The following MIB2 variants were observed in gnomAD, a reference collection of about 807,000 sequenced individuals.
MIB2 encodes MIB E3 ubiquitin protein ligase 2.
A neutral mutation model predicts 96.6 loss-of-function variants in MIB2; 78 were observed. The ratio of observed to expected loss-of-function variants is 0.81; its 90% CI spans 0.67 to 0.97. The LOEUF (loss-of-function observed/expected upper bound fraction) is 0.97, where lower values mean the gene tolerates loss of function less well. Among genes scored for constraint, MIB2 ranks in the 50% least tolerant of loss-of-function variants. The pLI, the probability that MIB2 is intolerant of heterozygous loss-of-function variation, is 0.00. For missense variants in MIB2, 1,543 were observed against 1,424.0 expected, an observed-to-expected ratio of 1.08 and a Z score of -1.35; for synonymous variants, 820 against 629.5, an observed-to-expected ratio of 1.30 and a Z score of -4.53.
Position 1,629,301 on chromosome 1 carries a change from C to T in MIB2, c.2371C>T (p.Gln791Ter), listed in dbSNP as rs766300322. 2 of 1,505,802 alleles carry T rather than the reference C, an allele frequency of 1.3e-6. No individual in the cohort carries two copies. The highest frequency in any genetic ancestry group is 1.8e-6 in the Non-Finnish European group (2 of 1,142,686). 93.3% of individuals were successfully genotyped at this position (1,505,802 alleles called of 1,614,324 possible). Residue 791 changes from glutamine (Q) to a stop codon, truncating the protein, a stop_gained, in exon 17 of 20, where the codon CAG (glutamine) becomes TAG (stop). Coordinates refer to ENST00000355826, the MANE Select transcript of MIB2 (RefSeq NM_001170687.4). LOFTEE classifies it high-confidence loss of function. The part of the protein sequence containing the change: ...RVLKALQGCA[Q>*]RFRERQAGGG... ...GCTCAAGGCCCTTCAGGGCTGCGCC[C>T]AGCGCTTCCGGTGAGTCCGTGGACG...
Position 1,626,621 on chromosome 1 carries a change from G to GGCCCCTCAC in MIB2, c.973-21_973-13dup. On this transcript the variant is annotated intron_variant, in intron 8 of 19. Coordinates refer to ENST00000355826, the MANE Select transcript of MIB2 (RefSeq NM_001170687.4). The surrounding 1 kb of genome is among the most constrained non-coding windows in gnomAD (Gnocchi z 5.3). The stretch of plus-strand genomic sequence containing the variant: ...CCTGGGCAGCCACACACAGCTGGGG[G>GGCCCCTCAC]GCCCCTCACGCCCCTCTTTGTCGCT... 2.0e-6 allele frequency: 3 copies of GGCCCCTCAC among 1,509,740 alleles called. No individual in the cohort carries two copies. Among genetic ancestry groups the GGCCCCTCAC allele is most frequent in the Non-Finnish European group, 2.7e-6 (3 of 1,129,214 alleles). 93.5% of individuals were successfully genotyped at this position (1,509,740 alleles called of 1,614,324 possible).
rs371407201 is a variant in MIB2 at position 1,626,951 on chromosome 1, G to A, written c.1192G>A (p.Glu398Lys). Residue 398 changes from glutamate to lysine, a missense_variant, in exon 10 of 20, where the codon GAG becomes AAG. Coordinates refer to ENST00000355826, the MANE Select transcript of MIB2 (RefSeq NM_001170687.4). This position sits in a 1 kb window ranked among gnomAD's most constrained non-coding sequence, Gnocchi z 5.3. ...SPSCLVAYRP[E>K]EDANLDVAER... ...CTCCTGCCTGGTGGCCTACCGGCCC[G>A]AGGAGGATGCCAACCTGGACGTGGC... is the stretch of plus-strand genomic sequence containing the variant. 4.0e-5 allele frequency: 64 copies of A among 1,611,088 alleles called. No individual in the cohort carries two copies. The highest frequency in any genetic ancestry group is 4.6e-5 in the Non-Finnish European group (54 of 1,179,582).
chr1:1,624,190 AG>A (rs1412621264), intron 4 of MIB2: 1 of 558,068 alleles, frequency 1.8e-6, no homozygotes, highest in Non-Finnish European at 3.2e-6. Flanking sequence ...GACCTCCAGG[AG>A]GACAGCCCAT....
At position 1,630,579 on chromosome 1, in the gene MIB2, T is replaced by C. The variant is rs934173588; in HGVS notation, c.*49T>C. 1.4e-6 allele frequency: 2 copies of C among 1,393,528 alleles called. No homozygotes were observed. The highest frequency in any genetic ancestry group is 2.5e-5 in the Admixed American group (1 of 40,050). The allele number at this position is 1,393,528 out of a possible 1,614,324, so 86.3% of individuals were successfully genotyped here. A position where few individuals can be genotyped will look rare whatever the true frequency, so the allele number is the denominator to read the frequency against. On this transcript the variant is annotated 3_prime_UTR_variant, in exon 20 of 20. Coordinates refer to ENST00000355826, the MANE Select transcript of MIB2 (RefSeq NM_001170687.4). ...GCTGCCTTCGCGTGCCCCCGCCCTG[T>C]GTTTTATAAAAAGAAAGATTCTCGG...
At chr1:1,630,239 C>G (rs1429999251) in intron 19 of MIB2, 53 bp from the exon 20 acceptor site, 1 of 506,068 alleles carries the variant, frequency 2.0e-6, no homozygotes, top group Admixed American at 4.7e-5. Context: ...GCTCCCTGCT[C>G]CCCGCATTCC....
rs192767121 is a variant in MIB2 at position 1,616,604 on chromosome 1, C to T, written c.-33C>T. ...CAAGGCGGCCCGGCGGGCGACTGGACGGCCGGACAGGTGAGCTCTTGATCG... is the reference window on the plus strand; with the variant it reads ...CAAGGCGGCCCGGCGGGCGACTGGATGGCCGGACAGGTGAGCTCTTGATCG... On this transcript the variant is annotated 5_prime_UTR_variant, in exon 2 of 20. In the 5' UTR this introduces an upstream ATG that the reference lacks. Transcript: ENST00000355826. The T allele has an allele frequency of 1.2e-5, 19 of 1,593,794 alleles. No homozygotes were observed. Among genetic ancestry groups the T allele is most frequent in the East Asian group, 1.1e-4 (5 of 43,902 alleles).
At chr1:1,615,694 C>T in intron 1 of MIB2, 61 bp downstream of exon 1, 4 of 1,520,330 alleles carry the variant, frequency 2.6e-6, no homozygotes, top group Non-Finnish European at 3.5e-6. Flanking sequence ...TCGTTCTCCG[C>T]TCTGGCAGAA....
Position 1,630,293 on chromosome 1 carries a change from C to G in MIB2, c.2631C>G (p.Asp877Glu). 1 of 1,494,930 alleles carries G rather than the reference C, an allele frequency of 6.7e-7. No homozygotes were observed. The highest frequency in any genetic ancestry group is 8.9e-7 in the Non-Finnish European group (1 of 1,127,102). 92.6% of individuals were successfully genotyped at this position (1,494,930 alleles called of 1,614,324 possible). The stretch of plus-strand genomic sequence containing the variant: ...TCACACCCGTCCCCCACCCCGCAGA[C>G]GGCTCTGAGGTGGCGAGCGCCGCCC... ...QVVVSKKLRP[D>E]GSEVASAAPA... The change falls in exon 20 of 20, where the codon GAC becomes GAG. Residue 877 changes from aspartate to glutamate, a missense_variant and splice_region_variant. Coordinates refer to ENST00000355826, the MANE Select transcript of MIB2 (RefSeq NM_001170687.4).
At chr1:1,620,628 G>A (rs993581458) in intron 2 of MIB2, among the ~76,000 whole-genome samples, 1 of 152,240 alleles carries the variant, frequency 6.6e-6, no homozygotes, top group Non-Finnish European at 1.5e-5. Context: ...CTGCTGCGTC[G>A]GCCTCCCCGG....
intron 2 of MIB2, chr1:1,618,271 C>G (rs1569598941): frequency 6.6e-6 from 1 of 152,348 alleles, no homozygotes; most frequent in African/African-American, 2.4e-5. Flanking sequence ...CGGGTCCCCT[C>G]CTCTGCACCT....
chr1:1,628,829 G>A, intron 16 of MIB2, 107 bp downstream of exon 16: 1 of 1,029,954 alleles, frequency 9.7e-7, no homozygotes, highest in Non-Finnish European at 1.4e-6. Context: ...GATGGCCCAG[G>A]GAGCCAGGCG....
chr1:1,615,329 C>T (rs952005273), upstream of MIB2: 24 of 1,390,184 alleles, frequency 1.7e-5, no homozygotes, highest in Middle Eastern at 2.6e-4. Context: ...TCTAGGACCG[C>T]CACTGCGCAG....
At chr1:1,619,189 C>G (rs972632214) in intron 2 of MIB2, 2 of 152,266 alleles carry the variant, frequency 1.3e-5, no homozygotes, top group Non-Finnish European at 2.9e-5. Flanking sequence ...CTGGCTAACA[C>G]GGTGAAACCC....
At chr1:1,624,676 G>C in intron 4 of MIB2, 119 bp from the exon 5 acceptor site, 2 of 933,522 alleles carry the variant, frequency 2.1e-6, no homozygotes, top group Non-Finnish European at 1.7e-6. Flanking sequence ...TGGGGCTGCG[G>C]AGCCCAGCAG....
At chr1:1,620,767 A>G (rs1557566068) in intron 2 of MIB2, among the ~76,000 whole-genome samples, 1 of 152,222 alleles carries the variant, frequency 6.6e-6, no homozygotes, top group Non-Finnish European at 1.5e-5. Flanking sequence ...GGATCCTGGG[A>G]GCAGGAACCC....
At chr1:1,615,345 C>A, upstream of MIB2, 2 of 1,396,364 alleles carry the variant, frequency 1.4e-6, no homozygotes, top group Non-Finnish European at 1.8e-6. Context: ...CGCAGGCGCC[C>A]GGAGGCTAAG....
In MIB2 at chr1:1,623,466, C is replaced by G; in HGVS notation, c.14C>G (p.Pro5Arg). The change falls in exon 3 of 20, where the codon CCC becomes CGC. Residue 5 changes from proline to arginine, a missense_variant. Coordinates refer to ENST00000355826, the MANE Select transcript of MIB2 (RefSeq NM_001170687.4). The part of the protein sequence containing the change: MDPD[P>R]QAGVQVGMRV... ...GCCCCGCCCAACATGGACCCAGACC[C>G]CCAGGCGGGCGTGCAGGTGGGCATG... is the stretch of plus-strand genomic sequence containing the variant. The G allele has an allele frequency of 1.3e-6, 2 of 1,595,262 alleles. No homozygotes were observed. Among genetic ancestry groups the G allele is most frequent in the African/African-American group, 1.3e-5 (1 of 74,140 alleles).
In MIB2 at chr1:1,629,326, G is replaced by C. The variant is rs1420865455; in HGVS notation, c.2381+15G>C. 3.4e-6 allele frequency: 5 copies of C among 1,467,442 alleles called. No individual in the cohort carries two copies. Among genetic ancestry groups the C allele is most frequent in the Non-Finnish European group, 4.5e-6 (5 of 1,123,390 alleles). The allele number at this position is 1,467,442 out of a possible 1,614,324, so 90.9% of individuals were successfully genotyped here. A position where few individuals can be genotyped will look rare whatever the true frequency, so the allele number is the denominator to read the frequency against. Reference sequence around the variant, plus strand: ...CAGCGCTTCCGGTGAGTCCGTGGACGGCGGGGATGGGGTCCGGCGGCCTCC... The same window carrying C: ...CAGCGCTTCCGGTGAGTCCGTGGACCGCGGGGATGGGGTCCGGCGGCCTCC... On this transcript the variant is annotated intron_variant, in intron 17 of 19. Coordinates refer to ENST00000355826, the MANE Select transcript of MIB2 (RefSeq NM_001170687.4).
rs1644858502 is a variant in MIB2, at chr1:1,627,088, G to T, written c.1255G>T (p.Ala419Ser). The change falls in exon 11 of 20, where the codon GCC becomes TCC. Residue 419 changes from alanine to serine, a missense_variant. Transcript: ENST00000355826. The stretch of plus-strand genomic sequence containing the variant: ...CCTGCCCCCAGGCTCACTGAGCGTG[G>T]CCCTGGACAAGCTTCGGGCCCAGAA... Reference protein sequence around the residue: ...ARENKSSLSVALDKLRAQKSD... With the variant: ...ARENKSSLSVSLDKLRAQKSD... The T allele has an allele frequency of 6.3e-7, 1 of 1,599,958 alleles. No individual in the cohort carries two copies. The highest frequency in any genetic ancestry group is 1.7e-5 in the Admixed American group (1 of 57,918).
Sources: allele counts gnomAD v4.1 joint callset (sites outside exome capture counted in the v4.1 genomes callset), GRCh38; gene constraint gnomAD v4.1.1; non-coding constraint Gnocchi (gnomAD v3.1); transcripts MANE v1.5; gene names NCBI Gene and HGNC (gene_info 2026-07-23, HGNC 2026-07-21).